The following MAP4K3 variants were observed in gnomAD, a reference collection of about 807,000 sequenced individuals.
MAP4K3 encodes mitogen-activated protein kinase kinase kinase kinase 3, also known as MAPK/ERK kinase kinase kinase 3.
In MAP4K3, 94 loss-of-function variants were observed where a neutral mutation model predicts 143.5. The observed-to-expected ratio is 0.65, with a 90% CI of 0.55 to 0.78. The LOEUF is 0.78. Ranked by LOEUF, MAP4K3 falls within the 30% of genes least tolerant of loss-of-function variation. The probability of loss-of-function intolerance (pLI) is 0.00; values close to 1 mark genes in which losing one functional copy is unlikely to be tolerated. For synonymous variants in MAP4K3, 416 were observed against 347.2 expected, an observed-to-expected ratio of 1.20 and a Z score of -2.20; for missense variants, 1,077 against 1,068.1, an observed-to-expected ratio of 1.01 and a Z score of -0.12.
chr2:39,384,155 A>G (rs1180490751), intron 1 of MAP4K3, among the ~76,000 whole-genome samples: 1 of 151,988 alleles, frequency 6.6e-6, no homozygotes, highest in Non-Finnish European at 1.5e-5. Flanking sequence ...AGTAGCTAAG[A>G]CAGAGGCCAT....
chr2:39,418,089 C>T lies in MAP4K3; in HGVS notation c.96+18803G>A, dbSNP rs529131717. ...GTGGTGGCGCGTGCCTGTAGTCCCA[C>T]GTACTCAGGAGGCTGAGGCAGGAGA... On this transcript the variant is annotated intron_variant, in intron 1 of 33. Coordinates refer to ENST00000263881, the MANE Select transcript of MAP4K3 (RefSeq NM_003618.4). Among the ~76,000 whole-genome samples, 137 of 151,684 alleles carry T rather than the reference C, an allele frequency of 9.0e-4. 1 individual carries two copies. The highest frequency in any genetic ancestry group is 3.0e-3 in the African/African-American group (125 of 41,346).
At chr2:39,374,417 C>CA (rs1368429386) in intron 2 of MAP4K3, among the ~76,000 whole-genome samples, 1 of 151,996 alleles carries the variant, frequency 6.6e-6, no homozygotes, top group East Asian at 1.9e-4. Context: ...TTCGGTGGTT[C>CA]ACGCTTGTTA....
At chr2:39,274,321 C>A (rs181644363) in intron 24 of MAP4K3, among the ~76,000 whole-genome samples, 5,566 of 151,546 alleles carry the variant, frequency 0.037, 147 homozygotes, top group African/African-American at 0.067. Context: ...GGTTCACGCC[C>A]TTCTCCTGCC....
chr2:39,311,089 G>C (rs1486384295), intron 13 of MAP4K3, among the ~76,000 whole-genome samples: 1 of 151,990 alleles, frequency 6.6e-6, no homozygotes, highest in African/African-American at 2.4e-5. Flanking sequence ...TTTTGGTTTT[G>C]TTTTTTGAGA....
chr2:39,321,734 A>C (rs1683312351), intron 12 of MAP4K3, among the ~76,000 whole-genome samples: 3 of 152,158 alleles, frequency 2.0e-5, no homozygotes, highest in African/African-American at 7.2e-5. Context: ...ATAGGGAAAA[A>C]CCGCCTTAGG....
rs1553419629 is a variant in MAP4K3, at chr2:39,369,205, G to GTTTTTTTTGTTTTT, written c.154+8860_154+8861insAAAAACAAAAAAAA. Among the ~76,000 whole-genome samples, 14 of 125,368 alleles carry GTTTTTTTTGTTTTT rather than the reference G, an allele frequency of 1.1e-4. 1 individual carries two copies. The South Asian group carries it at 1.2e-3, about 11-fold the overall frequency. The allele number at this position is 125,368 out of a possible 152,430, so 82.2% of individuals were successfully genotyped here. A position where few individuals can be genotyped will look rare whatever the true frequency, so the allele number is the denominator to read the frequency against. On this transcript the variant is annotated intron_variant, in intron 2 of 33. Coordinates refer to ENST00000263881, the MANE Select transcript of MAP4K3 (RefSeq NM_003618.4). ...AACCTTTGGGCTAGTTTTTTTTTTT[G>GTTTTTTTTGTTTTT]TTTTTTTTGAGATGCAGTTTTGCTC...
At chr2:39,258,643 G>C (rs899445709) in intron 29 of MAP4K3, 56 bp from the exon 30 acceptor site, 2 of 1,176,262 alleles carry the variant, frequency 1.7e-6, no homozygotes, top group East Asian at 4.7e-5. Flanking sequence ...TTAAAGCATG[G>C]AAACATTGAA....
chr2:39,259,923 CAAAT>C (rs1005223404), intron 29 of MAP4K3, among the ~76,000 whole-genome samples: 4 of 152,228 alleles, frequency 2.6e-5, no homozygotes, highest in African/African-American at 7.2e-5. Context: ...TCACCAAAAT[CAAAT>C]AACAACCCAG....
chr2:39,356,081 A>G, intron 3 of MAP4K3, 168 bp downstream of exon 3: 1 of 521,572 alleles, frequency 1.9e-6, no homozygotes. Flanking sequence ...AATATTGGTT[A>G]CAGAATTAAC....
rs116857260 is a variant in MAP4K3 at position 39,429,187 on chromosome 2, G to A, written c.96+7705C>T. ...GAATTTTAATGAAAACTGAAAATATGGCTCACATTATAATTACTACGCAAT... is the reference window on the plus strand; with the variant it reads ...GAATTTTAATGAAAACTGAAAATATAGCTCACATTATAATTACTACGCAAT... On this transcript the variant is annotated intron_variant, in intron 1 of 33. Coordinates refer to ENST00000263881, the MANE Select transcript of MAP4K3 (RefSeq NM_003618.4). Among the ~76,000 whole-genome samples the A allele has an allele frequency of 1.1e-4, 17 of 151,606 alleles. No homozygotes were observed. The East Asian group carries it at 3.3e-3, about 29-fold the overall frequency.
chr2:39,382,524 G>A (rs1666380387), intron 1 of MAP4K3, among the ~76,000 whole-genome samples: 1 of 152,148 alleles, frequency 6.6e-6, no homozygotes, highest in South Asian at 2.1e-4. Context: ...TAACATGAAG[G>A]TGAAGACAGG....
At position 39,256,772 on chromosome 2, in the gene MAP4K3, T is replaced by C. The variant is rs150146999; in HGVS notation, c.2470+1576A>G. Among the ~76,000 whole-genome samples the C allele has an allele frequency of 1.2e-3, 177 of 152,360 alleles. 1 individual carries two copies. Among genetic ancestry groups the C allele is most frequent in the African/African-American group, 4.1e-3 (170 of 41,590 alleles). On this transcript the variant is annotated intron_variant, in intron 31 of 33. Coordinates refer to ENST00000263881, the MANE Select transcript of MAP4K3 (RefSeq NM_003618.4). ...GTAGTCTGAAACAGTTTGCACAGGA[T>C]AGGGATTATCTCTTCCTTTAATGGG... is the stretch of plus-strand genomic sequence containing the variant.
intron 7 of MAP4K3, among the ~76,000 whole-genome samples, chr2:39,332,911 C>T (rs914067806): frequency 2.6e-5 from 4 of 151,904 alleles, no homozygotes; most frequent in Non-Finnish European, 5.9e-5. Context: ...TTTAAAATAA[C>T]TGTTTTCTAT....
intron 31 of MAP4K3, among the ~76,000 whole-genome samples, chr2:39,257,280 A>AT (rs1253603407): frequency 2.6e-5 from 4 of 152,186 alleles, no homozygotes; most frequent in African/African-American, 9.7e-5. Flanking sequence ...GAATGTAGTC[A>AT]TTTAAAAGTA....
chr2:39,328,530 G>A (rs76887972), intron 8 of MAP4K3, among the ~76,000 whole-genome samples: 5,783 of 151,998 alleles, frequency 0.038, 131 homozygotes, highest in Non-Finnish European at 0.054. Flanking sequence ...TATAGAGACA[G>A]AAATCAGATC....
chr2:39,275,211 G>A (rs1244270204), intron 24 of MAP4K3, among the ~76,000 whole-genome samples: 2 of 152,206 alleles, frequency 1.3e-5, no homozygotes, highest in Admixed American at 1.3e-4. Context: ...TCCTGGCCAG[G>A]CCTGGTGACT....
At chr2:39,351,341 T>C (rs1211915847) in intron 3 of MAP4K3, among the ~76,000 whole-genome samples, 1 of 152,236 alleles carries the variant, frequency 6.6e-6, no homozygotes, top group African/African-American at 2.4e-5. Flanking sequence ...AATTACATCA[T>C]TCACAGAGCT....
chr2:39,265,584 G>C (rs1028192144), intron 27 of MAP4K3, among the ~76,000 whole-genome samples: 1 of 152,126 alleles, frequency 6.6e-6, no homozygotes, highest in Non-Finnish European at 1.5e-5. Context: ...AGGACTTTTC[G>C]TCTTATGATG....
intron 32 of MAP4K3, among the ~76,000 whole-genome samples, chr2:39,253,613 G>C (rs73924815): frequency 0.042 from 6,326 of 152,274 alleles, 208 homozygotes; most frequent in African/African-American, 0.083. Context: ...GAAGCCTAGT[G>C]TCTCAACTCT....
Sources: gnomAD v4.1 joint callset for allele counts (sites outside exome capture counted in the v4.1 genomes callset) on GRCh38, gnomAD v4.1.1 for gene constraint, MANE v1.5 for transcripts, NCBI Gene and HGNC (gene_info 2026-07-23, HGNC 2026-07-21) for gene names.